ABL2: variants seen among roughly 807,000 people sequenced by gnomAD.
ABL2 encodes ABL proto-oncogene 2, non-receptor tyrosine kinase.
Under a neutral mutation model 107.7 loss-of-function variants are expected in ABL2, and 49 were observed. The observed-to-expected ratio is 0.45, with a 90% confidence interval of 0.36 to 0.58. ABL2 has a LOEUF of 0.58. ABL2 is among the 20% of genes least tolerant of loss of function. The probability of loss-of-function intolerance (pLI) is 0.00; values close to 1 mark genes in which losing one functional copy is unlikely to be tolerated. For synonymous variants in ABL2, 549 were observed against 548.6 expected (o/e 1.00, Z -0.01); for missense variants, 1,245 against 1,457.0 (o/e 0.85, Z 2.37).
At chr1:179,143,507 C>CT (rs1657770560) in intron 1 of ABL2, among the ~76,000 whole-genome samples, 1 of 152,192 alleles carries the variant, frequency 6.6e-6, no homozygotes, top group South Asian at 2.1e-4. Context: ...TTTTACATCA[C>CT]TTAAATAGTT....
chr1:179,099,367 A>T lies in ABL2; in HGVS notation c.*8351T>A, dbSNP rs1399129015. The T allele has an allele frequency of 4.9e-6, 1 of 202,522 alleles. No homozygotes were observed. Among genetic ancestry groups the T allele is most frequent in the African/African-American group, 2.3e-5 (1 of 43,674 alleles). The allele number at this position is 202,522 out of a possible 1,614,324, so 12.5% of individuals were successfully genotyped here. ...ATATTGCAACCTTTATTTAAAACAGAACACAACTTGGCAAACCTTGTGAGA... is the reference window on the plus strand; with the variant it reads ...ATATTGCAACCTTTATTTAAAACAGTACACAACTTGGCAAACCTTGTGAGA... On this transcript the variant is annotated 3_prime_UTR_variant, in exon 12 of 12. Coordinates refer to ENST00000502732, the MANE Select transcript of ABL2 (RefSeq NM_007314.4).
chr1:179,229,167 T>TTCCCCCCCCCC, intron 1 of ABL2, 74 bp downstream of exon 1: 1 of 402,572 alleles, frequency 2.5e-6, no homozygotes, highest in South Asian at 2.4e-5. Flanking sequence ...GGGCAGCCCG[T>TTCCCCCCCCCC]CCGCCACCCA....
At position 179,104,551 on chromosome 1, in the gene ABL2, A is replaced by C. The variant is rs1411988276; in HGVS notation, c.*3167T>G. The C allele has an allele frequency of 9.6e-6, 2 of 209,040 alleles. No individual in the cohort carries two copies. Among genetic ancestry groups the C allele is most frequent in the Admixed American group, 1.2e-4 (2 of 16,972 alleles). 12.9% of individuals were successfully genotyped at this position (209,040 alleles called of 1,614,324 possible). ...AGGTCATCTAGAAAAACACTGAATG[A>C]ATTTCTTAGGGCCAAATTTTTTAAG... On this transcript the variant is annotated 3_prime_UTR_variant, in exon 12 of 12. Transcript: ENST00000502732.
chr1:179,179,883 T>C lies in ABL2; in HGVS notation c.158-46509A>G, dbSNP rs547517780. ...TGGAAGGGCGAGGCAGGGGGATGACTTGAGGTCAGGGGTTCAAGACCAGCC... is the reference window on the plus strand; with the variant it reads ...TGGAAGGGCGAGGCAGGGGGATGACCTGAGGTCAGGGGTTCAAGACCAGCC... On this transcript the variant is annotated intron_variant, in intron 1 of 11. Transcript: ENST00000502732. Among the ~76,000 whole-genome samples the C allele has an allele frequency of 1.2e-3, 176 of 151,922 alleles. 1 individual carries two copies. The highest frequency in any genetic ancestry group is 4.1e-3 in the African/African-American group (171 of 41,432).
chr1:179,179,460 G>GT (rs146909377), intron 1 of ABL2, among the ~76,000 whole-genome samples: 6,286 of 148,362 alleles, frequency 0.042, 156 homozygotes, highest in South Asian at 0.072. Context: ...ATCTTAAAGG[G>GT]TTTTTTTTTT....
chr1:179,110,980 CTTTTTTTT>C, intron 10 of ABL2: 52 of 598,556 alleles, frequency 8.7e-5, no homozygotes, highest in South Asian at 1.1e-4. Context: ...TTATTTTTGG[CTTTTTTTT>C]TTTTTTTTTT....
chr1:179,223,502 C>G (rs1450890050), intron 1 of ABL2, among the ~76,000 whole-genome samples: 1 of 151,786 alleles, frequency 6.6e-6, no homozygotes, highest in East Asian at 1.9e-4. Flanking sequence ...GACTTCATCA[C>G]TTTACTTGGA....
chr1:179,186,096 T>C (rs1447468291), intron 1 of ABL2, among the ~76,000 whole-genome samples: 2 of 151,694 alleles, frequency 1.3e-5, no homozygotes, highest in Non-Finnish European at 2.9e-5. Flanking sequence ...AATACAAAAA[T>C]TTGCTGGGTA....
chr1:179,175,745 C>T (rs557683598), intron 1 of ABL2, among the ~76,000 whole-genome samples: 1 of 152,070 alleles, frequency 6.6e-6, no homozygotes, highest in South Asian at 2.1e-4. Context: ...GATGTGAGCT[C>T]ATGCCCTAGG....
intron 8 of ABL2, among the ~76,000 whole-genome samples, chr1:179,116,420 G>A (rs1017917732): frequency 6.6e-6 from 1 of 152,044 alleles, no homozygotes; most frequent in African/African-American, 2.4e-5. Flanking sequence ...ATGCTTTACA[G>A]AGGGAGGATC....
At chr1:179,229,181 CGCCCCGACCCCA>C in intron 1 of ABL2, 48 bp downstream of exon 1, 8 of 386,314 alleles carry the variant, frequency 2.1e-5, no homozygotes, top group Non-Finnish European at 4.0e-5. Context: ...CCACCCACCC[CGCCCCGACCCCA>C]CCCCCGGCCT....
chr1:179,207,386 A>G (rs1382179243), intron 1 of ABL2, among the ~76,000 whole-genome samples: 2 of 152,192 alleles, frequency 1.3e-5, no homozygotes, highest in African/African-American at 4.8e-5. Flanking sequence ...AATTAAGCCT[A>G]GGCACAGAAC....
chr1:179,195,025 C>T (rs141351512), intron 1 of ABL2, among the ~76,000 whole-genome samples: 16 of 152,298 alleles, frequency 1.1e-4, no homozygotes, highest in African/African-American at 2.9e-4. Context: ...TGGTGGCTCA[C>T]GCCTGTAATC....
rs773700531 is a variant in ABL2, at chr1:179,108,446, G to C, written c.2821C>G (p.His941Asp). Residue 941 changes from histidine to aspartate, a missense_variant, in exon 12 of 12, where the codon CAC becomes GAC. His to Asp is a moderately conservative substitution (Grantham distance 81). Transcript: ENST00000502732. ...ATGAGCTGCACGTCAGCTGGAGTGT[G>C]TTTCAGAGTGGGTGAGATAAGGACT... ...VPVLISPTLK[H>D]TPADVQLIGT... 2.8e-5 allele frequency: 46 copies of C among 1,614,112 alleles called. No individual in the cohort carries two copies. Among genetic ancestry groups the C allele is most frequent in the Non-Finnish European group, 3.7e-5 (44 of 1,180,048 alleles).
chr1:179,101,377 CTTTT>C lies in ABL2; in HGVS notation c.*6337_*6340del, dbSNP rs71108091. The C allele has an allele frequency of 1.2e-5, 2 of 168,634 alleles. No homozygotes were observed. Among genetic ancestry groups the C allele is most frequent in the Non-Finnish European group, 2.5e-5 (2 of 80,722 alleles). 10.4% of individuals were successfully genotyped at this position (168,634 alleles called of 1,614,324 possible). A position where few individuals can be genotyped will look rare whatever the true frequency, so the allele number is the denominator to read the frequency against. On this transcript the variant is annotated 3_prime_UTR_variant, in exon 12 of 12. Transcript: ENST00000502732. Reference sequence around the variant, plus strand: ...ATATTGAGTCAGAAATGAAGGTATCCTTTTTTTTTTTTTTCTTCTTAACGTGTCT... The same window carrying C: ...ATATTGAGTCAGAAATGAAGGTATCCTTTTTTTTTTCTTCTTAACGTGTCT...
At chr1:179,229,099 A>C in intron 1 of ABL2, 142 bp downstream of exon 1, 1 of 1,088,722 alleles carries the variant, frequency 9.2e-7, no homozygotes. Context: ...CCAGGACTGG[A>C]CCAGATGGCA....
chr1:179,158,422 G>GT lies in ABL2; in HGVS notation c.158-25049dup, dbSNP rs544377067. Among the ~76,000 whole-genome samples the GT allele has an allele frequency of 9.2e-5, 14 of 152,284 alleles. No homozygotes were observed. The East Asian group carries it at 2.3e-3, about 25-fold the overall frequency. ...ATTTCACAGATGAACAGACCATGTG[G>GT]TAAGATGTAGAGATACAATTCTGGA... On this transcript the variant is annotated intron_variant, in intron 1 of 11. Transcript: ENST00000502732.
Position 179,126,640 on chromosome 1 carries a change from T to G in ABL2, c.424A>C (p.Asn142His). The G allele has an allele frequency of 6.2e-7, 1 of 1,614,036 alleles. No homozygotes were observed. Among genetic ancestry groups the G allele is most frequent in the Non-Finnish European group, 8.5e-7 (1 of 1,179,920 alleles). The change falls in exon 4 of 12, where the codon AAT (asparagine) becomes CAT (histidine). Residue 142 changes from asparagine (N) to histidine (H), a missense_variant. By Grantham distance (68) the Asn-to-His change is moderately conservative. Coordinates refer to ENST00000502732, the MANE Select transcript of ABL2 (RefSeq NM_007314.4). The surrounding 1 kb of genome is among the most constrained non-coding windows in gnomAD (Gnocchi z 4.4). ...EKLRVLGYNQ[N>H]GEWSEVRSKN... ...GAGCGAACTTCACTCCACTCACCAT[T>G]CTGGTTGTAACCAAGGACTCGTAGC...
Position 179,103,842 on chromosome 1 carries a change from A to T in ABL2, c.*3876T>A, listed in dbSNP as rs1252340132. ...TCTAGCCTTGGCTCCGCCACTAATT[A>T]ACCGTTCTGAGACAATAGGCAAGTA... On this transcript the variant is annotated 3_prime_UTR_variant, in exon 12 of 12. Coordinates refer to ENST00000502732, the MANE Select transcript of ABL2 (RefSeq NM_007314.4). The T allele has an allele frequency of 4.3e-6, 1 of 230,564 alleles. No individual in the cohort carries two copies. Among genetic ancestry groups the T allele is most frequent in the African/African-American group, 2.2e-5 (1 of 45,164 alleles). The allele number at this position is 230,564 out of a possible 1,614,324, so 14.3% of individuals were successfully genotyped here. A position where few individuals can be genotyped will look rare whatever the true frequency, so the allele number is the denominator to read the frequency against.
Sources: allele counts gnomAD v4.1 joint callset (sites outside exome capture counted in the v4.1 genomes callset), GRCh38; gene constraint gnomAD v4.1.1; non-coding constraint Gnocchi (gnomAD v3.1); transcripts MANE v1.5; gene names NCBI Gene and HGNC (gene_info 2026-07-23, HGNC 2026-07-21).